ZC3HC1: variants seen among roughly 807,000 people sequenced by gnomAD.
ZC3HC1 encodes the protein zinc finger C3HC-type containing 1.
Under a neutral mutation model 61.9 loss-of-function variants are expected in ZC3HC1, and 38 were observed. That is an observed-to-expected ratio of 0.61 (90% CI 0.47 to 0.81). ZC3HC1 has a LOEUF of 0.81. Among genes scored for constraint, ZC3HC1 ranks in the 30% least tolerant of loss-of-function variants. The probability of loss-of-function intolerance (pLI) is 0.00; values close to 1 mark genes in which losing one functional copy is unlikely to be tolerated. For missense variants in ZC3HC1, 554 were observed against 622.7 expected (o/e 0.89, Z 1.17); for synonymous variants, 213 against 229.9 (o/e 0.93, Z 0.67).
intron 3 of ZC3HC1, among the ~76,000 whole-genome samples, chr7:130,040,062 T>G (rs1204239704): frequency 6.6e-6 from 1 of 151,460 alleles, no homozygotes; most frequent in East Asian, 1.9e-4. Flanking sequence ...GTGTGAGACT[T>G]CATAAAAGTC....
At chr7:130,036,043 A>C (rs1288088074) in intron 4 of ZC3HC1, among the ~76,000 whole-genome samples, 1 of 151,566 alleles carries the variant, frequency 6.6e-6, no homozygotes, top group Non-Finnish European at 1.5e-5. Flanking sequence ...ATTTGATCTG[A>C]GCCTAGGTGG....
At chr7:130,037,588 A>C (rs1794477410) in intron 4 of ZC3HC1, among the ~76,000 whole-genome samples, 1 of 152,238 alleles carries the variant, frequency 6.6e-6, no homozygotes, top group Non-Finnish European at 1.5e-5. Context: ...AACAGCAGGA[A>C]ATCCTTATTA....
chr7:130,039,262 T>C (rs1794549567), intron 4 of ZC3HC1: 1 of 553,800 alleles, frequency 1.8e-6, no homozygotes, highest in Non-Finnish European at 3.2e-6. Flanking sequence ...GAGAATTGCT[T>C]GAACGCGGGA....
Position 130,049,103 on chromosome 7 carries a change from G to A in ZC3HC1, c.188C>T (p.Pro63Leu). 1 of 1,609,174 alleles carries A rather than the reference G, an allele frequency of 6.2e-7. No homozygotes were observed. Among genetic ancestry groups the A allele is most frequent in the East Asian group, 2.2e-5 (1 of 44,668 alleles). ...SATSQSVNGS[P>L]QAEQPSLEST... ...TTCCAATGAAGGTTGTTCCGCTTGG[G>A]GTGATCCATTAACTGACTGGGATGT... The change falls in exon 2 of 10, where the codon CCC (proline) becomes CTC (leucine). Residue 63 changes from proline (P) to leucine (L), a missense_variant. By Grantham distance (98) the Pro-to-Leu change is moderately conservative. Transcript: ENST00000358303.
At position 130,023,556 on chromosome 7, in the gene ZC3HC1, A is replaced by G. The variant is rs1310768118; in HGVS notation, c.1188T>C (p.Pro396=). 2.5e-6 allele frequency: 4 copies of G among 1,614,164 alleles called. No homozygotes were observed. The highest frequency in any genetic ancestry group is 3.4e-6 in the Non-Finnish European group (4 of 1,180,046). ...DTPGLEVPSS[P]LRKAKRARLC... is the part of the protein sequence containing the mutation. ...GGCGAGCTCGCTTGGCTTTCCGCAGAGGGCTAGATGGTACCTCCAGGCCAG... is the reference window on the plus strand; with the variant it reads ...GGCGAGCTCGCTTGGCTTTCCGCAGGGGGCTAGATGGTACCTCCAGGCCAG... The change falls in exon 8 of 10, where the codon CCT becomes CCC. Residue 396 remains proline, a synonymous_variant. Coordinates refer to ENST00000358303, the MANE Select transcript of ZC3HC1 (RefSeq NM_016478.5). The surrounding 1 kb of genome is among the most constrained non-coding windows in gnomAD (Gnocchi z 4.2).
At position 130,031,054 on chromosome 7, in the gene ZC3HC1, G is replaced by T. The variant is rs191290345; in HGVS notation, c.494-2025C>A. On this transcript the variant is annotated intron_variant, in intron 4 of 9. Coordinates refer to ENST00000358303, the MANE Select transcript of ZC3HC1 (RefSeq NM_016478.5). ...CCTTGAAAACCGACATCCCAGCGGG[G>T]CGTGGTGGCTCACACCTGTAATCCT... Among the ~76,000 whole-genome samples the T allele has an allele frequency of 1.4e-4, 21 of 151,878 alleles. No individual in the cohort carries two copies. In the East Asian group the frequency reaches 3.9e-3, roughly 28 times the overall value.
chr7:130,027,197 A>T (rs768090984), intron 5 of ZC3HC1: 18 of 151,994 alleles, frequency 1.2e-4, no homozygotes, highest in Non-Finnish European at 2.1e-4. Flanking sequence ...AAAATAAGGA[A>T]CTATGACCAG....
intron 1 of ZC3HC1, chr7:130,050,501 A>G: frequency 6.8e-7 from 1 of 1,478,602 alleles, no homozygotes; most frequent in African/African-American, 1.4e-5. Flanking sequence ...AGGCCAAAAA[A>G]AATTCACAGC....
At chr7:130,042,786 G>A (rs768660922) in intron 2 of ZC3HC1, among the ~76,000 whole-genome samples, 6 of 152,088 alleles carry the variant, frequency 3.9e-5, no homozygotes, top group Non-Finnish European at 8.8e-5. Flanking sequence ...GGGTTCAACC[G>A]ATTCTCCTGC....
At chr7:130,048,923 T>C (rs1794968083) in intron 2 of ZC3HC1, 110 bp downstream of exon 2, 1 of 743,852 alleles carries the variant, frequency 1.3e-6, no homozygotes, top group Non-Finnish European at 2.0e-6. Context: ...TATAATTTCT[T>C]ACCAAGGTTT....
At chr7:130,029,632 T>C (rs1461435232) in intron 4 of ZC3HC1, among the ~76,000 whole-genome samples, 1 of 152,116 alleles carries the variant, frequency 6.6e-6, no homozygotes, top group African/African-American at 2.4e-5. Context: ...GTTAGGAATA[T>C]AGAAGAAACA....
chr7:130,044,010 T>C (rs981017759), intron 2 of ZC3HC1: 2 of 357,212 alleles, frequency 5.6e-6, no homozygotes, highest in Middle Eastern at 3.8e-4. Context: ...CAGGAACTCA[T>C]CGTTTTTTAA....
chr7:130,020,448 G>A (rs1474321759), intron 9 of ZC3HC1, among the ~76,000 whole-genome samples: 1 of 151,778 alleles, frequency 6.6e-6, no homozygotes, highest in Non-Finnish European at 1.5e-5. Context: ...TTTCAGTAGA[G>A]ATGGGGTTTT....
chr7:130,023,492 A>G lies in ZC3HC1; in HGVS notation c.1233+19T>C. ...ATGCTGTTTATGCTCAGCCACTGCTACATGCGAGGTGGACTCACCGAACTG... is the reference window on the plus strand; with the variant it reads ...ATGCTGTTTATGCTCAGCCACTGCTGCATGCGAGGTGGACTCACCGAACTG... On this transcript the variant is annotated intron_variant, in intron 8 of 9. Transcript: ENST00000358303. The surrounding 1 kb of genome is among the most constrained non-coding windows in gnomAD (Gnocchi z 4.2). The G allele has an allele frequency of 4.3e-6, 7 of 1,612,868 alleles. No individual in the cohort carries two copies. Among genetic ancestry groups the G allele is most frequent in the Non-Finnish European group, 5.9e-6 (7 of 1,179,414 alleles).
At chr7:130,019,303 C>A (rs1451208456) in intron 9 of ZC3HC1, among the ~76,000 whole-genome samples, 2 of 152,156 alleles carry the variant, frequency 1.3e-5, no homozygotes, top group African/African-American at 4.8e-5. Flanking sequence ...CCTGCCTCGG[C>A]CTCCCAAAGT....
chr7:130,025,841 A>AGC (rs2116676363), intron 6 of ZC3HC1, among the ~76,000 whole-genome samples: 1 of 127,324 alleles, frequency 7.9e-6, no homozygotes, highest in South Asian at 2.7e-4. Context: ...ACTACCCTCC[A>AGC]GCCTGGGCAA....
chr7:130,035,510 C>T (rs1794398425), intron 4 of ZC3HC1, among the ~76,000 whole-genome samples: 1 of 151,650 alleles, frequency 6.6e-6, no homozygotes, highest in Admixed American at 6.6e-5. Context: ...ATTCAGCATT[C>T]CCCAAATATA....
rs189510226 is a variant in ZC3HC1, at chr7:130,046,978, T to C, written c.258+2055A>G. Among the ~76,000 whole-genome samples, 16 of 151,758 alleles carry C rather than the reference T, an allele frequency of 1.1e-4. No homozygotes were observed. In the South Asian group the frequency reaches 1.3e-3, roughly 12 times the overall value. On this transcript the variant is annotated intron_variant, in intron 2 of 9. Transcript: ENST00000358303. Reference sequence around the variant, plus strand: ...TAACTGTGCATTCTTTTTTTTCTTTTTGAGATGGAGTCTCATTCCTGTCGC... The same window carrying C: ...TAACTGTGCATTCTTTTTTTTCTTTCTGAGATGGAGTCTCATTCCTGTCGC...
intron 4 of ZC3HC1, among the ~76,000 whole-genome samples, chr7:130,030,958 G>C (rs1246518627): frequency 6.6e-6 from 1 of 151,774 alleles, no homozygotes; most frequent in Admixed American, 6.6e-5. Context: ...GTGAGCCACT[G>C]CGCCCAGCCC....
Sources: gnomAD v4.1 joint callset for allele counts (sites outside exome capture counted in the v4.1 genomes callset) on GRCh38, gnomAD v4.1.1 for gene constraint, Gnocchi (gnomAD v3.1) non-coding constraint, MANE v1.5 for transcripts, NCBI Gene and HGNC (gene_info 2026-07-23, HGNC 2026-07-21) for gene names.